The following SYNDIG1 variants were observed in gnomAD, a reference collection of about 807,000 sequenced individuals.
SYNDIG1 encodes synapse differentiation-inducing gene protein 1.
In SYNDIG1, 9 loss-of-function variants were observed where a neutral mutation model predicts 19.4. The ratio of observed to expected loss-of-function variants is 0.46; its 90% confidence interval spans 0.28 to 0.81. The LOEUF (loss-of-function observed/expected upper bound fraction) is 0.81. Ranked by LOEUF, SYNDIG1 falls within the 30% of genes least tolerant of loss-of-function variation. The pLI, the probability that SYNDIG1 is intolerant of heterozygous loss-of-function variation, is 0.12. For missense variants in SYNDIG1, 311 were observed against 343.3 expected (o/e 0.91, Z 0.74); for synonymous variants, 141 against 145.9 (o/e 0.97, Z 0.24).
chr20:24,577,806 A>T (rs1037157220), intron 2 of SYNDIG1, among the ~76,000 whole-genome samples: 2 of 152,208 alleles, frequency 1.3e-5, no homozygotes, highest in African/African-American at 4.8e-5. Context: ...CTGGAGGCAC[A>T]TGTAAATGAT....
intron 3 of SYNDIG1, among the ~76,000 whole-genome samples, chr20:24,607,174 A>G (rs2058768076): frequency 6.6e-6 from 1 of 152,226 alleles, no homozygotes; most frequent in Middle Eastern, 3.4e-3. Context: ...AGCCTGGCCA[A>G]CATGGCAAAA....
intron 3 of SYNDIG1, 63 bp downstream of exon 3, chr20:24,585,056 G>GGGGGGGCCCCCC: frequency 1.8e-6 from 1 of 545,662 alleles, no homozygotes. Context: ...GGTGGGGGCG[G>GGGGGGGCCCCCC]CAATCCCAGC....
intron 3 of SYNDIG1, among the ~76,000 whole-genome samples, chr20:24,601,986 TG>T (rs1231743296): frequency 9.3e-5 from 13 of 139,768 alleles, no homozygotes; most frequent in Middle Eastern, 3.5e-3. Flanking sequence ...ATTATAATAT[TG>T]TTTTTTTTTT....
At chr20:24,600,139 T>C (rs1271679973) in intron 3 of SYNDIG1, among the ~76,000 whole-genome samples, 1 of 152,234 alleles carries the variant, frequency 6.6e-6, no homozygotes, top group Non-Finnish European at 1.5e-5. Context: ...AATATCGAGC[T>C]TTCCACATAT....
At chr20:24,659,706 C>A (rs1392175355) in intron 3 of SYNDIG1, among the ~76,000 whole-genome samples, 2 of 152,194 alleles carry the variant, frequency 1.3e-5, no homozygotes, top group Non-Finnish European at 2.9e-5. Context: ...GGGAGCCGGG[C>A]AATACCTGCC....
At chr20:24,484,687 C>T (rs1397512214) in intron 1 of SYNDIG1, among the ~76,000 whole-genome samples, 2 of 152,168 alleles carry the variant, frequency 1.3e-5, no homozygotes, top group Non-Finnish European at 2.9e-5. Flanking sequence ...ACAAAATACT[C>T]CAATTACTTG....
intron 3 of SYNDIG1, among the ~76,000 whole-genome samples, chr20:24,634,342 C>A (rs1486852914): frequency 3.3e-5 from 5 of 152,192 alleles, no homozygotes; most frequent in African/African-American, 1.2e-4. Flanking sequence ...AATGTTTTCC[C>A]TAAAAATGGA....
intron 1 of SYNDIG1, among the ~76,000 whole-genome samples, chr20:24,535,260 T>G (rs968817811): frequency 6.6e-6 from 1 of 152,130 alleles, no homozygotes; most frequent in African/African-American, 2.4e-5. Flanking sequence ...AGCATAGGAG[T>G]AGCTCTTCAT....
chr20:24,551,005 AAG>A, intron 2 of SYNDIG1, among the ~76,000 whole-genome samples: 1 of 152,252 alleles, frequency 6.6e-6, no homozygotes, highest in South Asian at 2.1e-4. Context: ...CTCTAGTATG[AAG>A]GTAATATTGG....
chr20:24,555,056 T>A (rs2057785251), intron 2 of SYNDIG1, among the ~76,000 whole-genome samples: 1 of 152,184 alleles, frequency 6.6e-6, no homozygotes, highest in South Asian at 2.1e-4. Context: ...TCAAGGAATT[T>A]ATCCATTTCT....
intron 3 of SYNDIG1, among the ~76,000 whole-genome samples, chr20:24,624,660 C>A (rs1453002432): frequency 6.6e-6 from 1 of 152,268 alleles, no homozygotes; most frequent in East Asian, 1.9e-4. Context: ...AGATATAAAT[C>A]ATAAAAAATG....
At chr20:24,539,356 C>T (rs934354779) in intron 1 of SYNDIG1, among the ~76,000 whole-genome samples, 2 of 152,122 alleles carry the variant, frequency 1.3e-5, no homozygotes, top group African/African-American at 4.8e-5. Context: ...AAAAAATGTC[C>T]TTTCCCTATT....
intron 3 of SYNDIG1, among the ~76,000 whole-genome samples, chr20:24,649,833 A>G (rs940521636): frequency 1.3e-5 from 2 of 152,216 alleles, no homozygotes; most frequent in Non-Finnish European, 2.9e-5. Flanking sequence ...TGAAAGACCT[A>G]TCATATTTCA....
chr20:24,483,591 C>T (rs1033023072), intron 1 of SYNDIG1, among the ~76,000 whole-genome samples: 1 of 152,228 alleles, frequency 6.6e-6, no homozygotes, highest in East Asian at 1.9e-4. Flanking sequence ...GCATTCCCAC[C>T]CAGGAGTCCC....
At chr20:24,595,926 C>T (rs910093072) in intron 3 of SYNDIG1, among the ~76,000 whole-genome samples, 1 of 152,064 alleles carries the variant, frequency 6.6e-6, no homozygotes, top group African/African-American at 2.4e-5. Flanking sequence ...TTGTTTATCT[C>T]TTGTATGGTT....
intron 1 of SYNDIG1, among the ~76,000 whole-genome samples, chr20:24,508,588 A>G (rs1356818818): frequency 6.6e-6 from 1 of 152,224 alleles, no homozygotes; most frequent in Non-Finnish European, 1.5e-5. Flanking sequence ...GAAATAAAAG[A>G]GATTTTTAAA....
At chr20:24,608,963 A>G (rs866647639) in intron 3 of SYNDIG1, among the ~76,000 whole-genome samples, 1 of 152,220 alleles carries the variant, frequency 6.6e-6, no homozygotes, top group Non-Finnish European at 1.5e-5. Flanking sequence ...TGCAAGCCAA[A>G]CCTACAGATT....
chr20:24,486,295 G>A (rs1418380898), intron 1 of SYNDIG1, among the ~76,000 whole-genome samples: 2 of 152,338 alleles, frequency 1.3e-5, no homozygotes, highest in African/African-American at 2.4e-5. Flanking sequence ...TGCCTGGGCT[G>A]GGGAGCCAGG....
intron 1 of SYNDIG1, among the ~76,000 whole-genome samples, chr20:24,508,401 G>C (rs1297656176): frequency 6.6e-6 from 1 of 151,086 alleles, no homozygotes; most frequent in Non-Finnish European, 1.5e-5. Flanking sequence ...GCTAATTTTT[G>C]TATTTTTAGT....
Sources: allele counts gnomAD v4.1 joint callset (sites outside exome capture counted in the v4.1 genomes callset), GRCh38; gene constraint gnomAD v4.1.1; transcripts MANE v1.5; gene names NCBI Gene and HGNC (gene_info 2026-07-23, HGNC 2026-07-21).